The following SPATA33 variants were observed in gnomAD, a reference collection of about 807,000 sequenced individuals.
SPATA33 encodes the protein spermatogenesis associated 33.
In SPATA33, 10 loss-of-function variants were observed where a neutral mutation model predicts 8.9. The observed-to-expected ratio is 1.12, with a 90% CI of 0.69 to 1.90. SPATA33 has a LOEUF of 1.90. Ranked by LOEUF, SPATA33 falls within the 40% of genes most tolerant of loss-of-function variation. The pLI is 0.00. For missense variants in SPATA33, 241 were observed against 178.3 expected (o/e 1.35, Z -2.00); for synonymous variants, 96 against 72.8 (o/e 1.32, Z -1.63).
chr16:89,664,219 G>C (rs1419712984), intron 2 of SPATA33, among the ~76,000 whole-genome samples: 1 of 152,176 alleles, frequency 6.6e-6, no homozygotes, highest in Non-Finnish European at 1.5e-5. Context: ...TAGAACAAAT[G>C]ATAAGCTCAA....
In SPATA33 at chr16:89,658,400, C is replaced by T. The variant is rs371560786; in HGVS notation, c.190C>T (p.Pro64Ser). ...HPGAGTAKHP[P>S]PAASLEEKPD... is the part of the protein sequence containing the mutation. ...GGGGGCCGGGACAGCCAAGCACCCG[C>T]CGCCGGCAGCTTCGCTGGAAGGTAG... The change falls in exon 2 of 3, where the codon CCG becomes TCG. Residue 64 changes from proline to serine, a missense_variant. Transcript: ENST00000579310. The T allele has an allele frequency of 8.0e-5, 129 of 1,610,724 alleles. 1 individual carries two copies. In the Middle Eastern group the frequency reaches 1.4e-3, roughly 18 times the overall value.
Position 89,669,532 on chromosome 16 carries a change from C to T in SPATA33, c.*35C>T, listed in dbSNP as rs762842642. 4.7e-5 allele frequency: 75 copies of T among 1,596,332 alleles called. No homozygotes were observed. The highest frequency in any genetic ancestry group is 1.3e-4 in the Admixed American group (8 of 59,512). ...TTTGCATGGCACTCGCTACTCCCTGCGATAGGCGTCTCGGGAACAGCCGCC... is the reference window on the plus strand; with the variant it reads ...TTTGCATGGCACTCGCTACTCCCTGTGATAGGCGTCTCGGGAACAGCCGCC... On this transcript the variant is annotated 3_prime_UTR_variant, in exon 3 of 3. Coordinates refer to ENST00000579310, the MANE Select transcript of SPATA33 (RefSeq NM_001271907.2).
intron 2 of SPATA33, among the ~76,000 whole-genome samples, chr16:89,666,801 C>G (rs1307347402): frequency 1.3e-5 from 2 of 152,192 alleles, no homozygotes; most frequent in African/African-American, 4.8e-5. Flanking sequence ...ACAGGGGGCC[C>G]TTCCCTGCCT....
chr16:89,658,199 C>T, intron 1 of SPATA33, 49 bp from the exon 2 acceptor site: 3 of 1,609,246 alleles, frequency 1.9e-6, no homozygotes, highest in Non-Finnish European at 2.5e-6. Flanking sequence ...GGACCCACTG[C>T]CCTGCATTCG....
intron 2 of SPATA33, among the ~76,000 whole-genome samples, chr16:89,667,298 C>G (rs1350701800): frequency 1.3e-5 from 2 of 152,190 alleles, no homozygotes; most frequent in East Asian, 1.9e-4. Context: ...GTCCCCCCAG[C>G]TCCTGTCTCT....
chr16:89,660,461 A>G, intron 2 of SPATA33: 7 of 1,231,918 alleles, frequency 5.7e-6, no homozygotes, highest in Non-Finnish European at 7.1e-6. Context: ...AGGAAGGTGG[A>G]CATGAAGGGA....
chr16:89,667,680 A>T (rs464586), intron 2 of SPATA33, among the ~76,000 whole-genome samples: 1 of 151,902 alleles, frequency 6.6e-6, no homozygotes, highest in East Asian at 1.9e-4. Context: ...AGAAAAAGGG[A>T]TATCGCTCAG....
chr16:89,660,028 A>T (rs1282575150), intron 2 of SPATA33: 1 of 152,844 alleles, frequency 6.5e-6, no homozygotes, highest in Non-Finnish European at 1.5e-5. Flanking sequence ...TGAAAGTTAC[A>T]GAAAAGCTCA....
intron 2 of SPATA33, chr16:89,660,931 A>T: frequency 9.8e-7 from 1 of 1,024,956 alleles, no homozygotes; most frequent in Non-Finnish European, 1.2e-6. Flanking sequence ...AGCTTGGGGC[A>T]TGCACCTCAG....
chr16:89,663,634 G>A (rs1206086958), intron 2 of SPATA33, among the ~76,000 whole-genome samples: 1 of 152,140 alleles, frequency 6.6e-6, no homozygotes, highest in Non-Finnish European at 1.5e-5. Context: ...CGTTGGGGTA[G>A]GGAGTGAGGG....
chr16:89,664,473 G>C (rs1023617861), intron 2 of SPATA33, among the ~76,000 whole-genome samples: 1 of 152,200 alleles, frequency 6.6e-6, no homozygotes, highest in African/African-American at 2.4e-5. Context: ...CTCATCCATT[G>C]AGTTTGACGT....
At chr16:89,660,998 T>A in intron 2 of SPATA33, 1 of 994,218 alleles carries the variant, frequency 1.0e-6, no homozygotes, top group Non-Finnish European at 1.2e-6. Context: ...TCAGTGAGTC[T>A]TCACATGCCT....
At chr16:89,660,389 G>A in intron 2 of SPATA33, 1 of 1,047,526 alleles carries the variant, frequency 9.5e-7, no homozygotes, top group Non-Finnish European at 1.2e-6. Context: ...AACGGAAGTG[G>A]GGGAAGGAGG....
chr16:89,669,158 G>T, intron 2 of SPATA33, 128 bp from the exon 3 acceptor site: 2 of 803,912 alleles, frequency 2.5e-6, no homozygotes, highest in Non-Finnish European at 4.1e-6. Context: ...GATCACTTTT[G>T]GACTCACCCA....
Position 89,669,643 on chromosome 16 carries a change from C to A in SPATA33, c.*146C>A. The A allele has an allele frequency of 1.3e-6, 1 of 759,438 alleles. No individual in the cohort carries two copies. Among genetic ancestry groups the A allele is most frequent in the Non-Finnish European group, 2.1e-6 (1 of 479,162 alleles). 47.0% of individuals were successfully genotyped at this position (759,438 alleles called of 1,614,324 possible). On this transcript the variant is annotated 3_prime_UTR_variant, in exon 3 of 3. Transcript: ENST00000579310. ...ACCCCACCCTGTGAGAAACTGCAGCCCCCTTCTCCAGTGCTTTCGGGGAGG... is the reference window on the plus strand; with the variant it reads ...ACCCCACCCTGTGAGAAACTGCAGCACCCTTCTCCAGTGCTTTCGGGGAGG...
rs1597801736 is a variant in SPATA33, at chr16:89,660,673, T to C, written c.211+2252T>C. 30 of 864,082 alleles carry C rather than the reference T, an allele frequency of 3.5e-5. 1 individual carries two copies. In the East Asian group the frequency reaches 9.7e-4, roughly 28 times the overall value. The allele number at this position is 864,082 out of a possible 1,614,324, so 53.5% of individuals were successfully genotyped here. ...ATGTTGCAGTTCCCTTTCCATGGAATGTCCAGAAAAGGCACATTTACAGAG... is the reference window on the plus strand; with the variant it reads ...ATGTTGCAGTTCCCTTTCCATGGAACGTCCAGAAAAGGCACATTTACAGAG... On this transcript the variant is annotated intron_variant, in intron 2 of 2. Transcript: ENST00000579310.
At chr16:89,663,758 G>C (rs932753032) in intron 2 of SPATA33, among the ~76,000 whole-genome samples, 1 of 152,068 alleles carries the variant, frequency 6.6e-6, no homozygotes, top group African/African-American at 2.4e-5. Context: ...TGGCGTAGCT[G>C]TACATACACT....
chr16:89,662,985 G>A (rs2059982723), intron 2 of SPATA33, among the ~76,000 whole-genome samples: 1 of 149,682 alleles, frequency 6.7e-6, no homozygotes, highest in South Asian at 2.1e-4. Flanking sequence ...GTAGAGACGG[G>A]GTTTCACCAT....
In SPATA33 at chr16:89,670,382, C is replaced by G. The variant is rs373956496; in HGVS notation, c.*885C>G. 3.3e-5 allele frequency: 5 copies of G among 152,328 alleles called. No homozygotes were observed. Among genetic ancestry groups the G allele is most frequent in the Non-Finnish European group, 2.9e-5 (2 of 68,162 alleles). 9.4% of individuals were successfully genotyped at this position (152,328 alleles called of 1,614,324 possible). ...TCCCCAGAGCTGCTAGCAGCTCGGT[C>G]GAGGCAAGAGTGACTGGCTCAGAGA... On this transcript the variant is annotated 3_prime_UTR_variant, in exon 3 of 3. Transcript: ENST00000579310.
Sources: gnomAD v4.1 joint callset for allele counts (sites outside exome capture counted in the v4.1 genomes callset) on GRCh38, gnomAD v4.1.1 for gene constraint, MANE v1.5 for transcripts, NCBI Gene and HGNC (gene_info 2026-07-23, HGNC 2026-07-21) for gene names.